CFI: variants seen among roughly 807,000 people sequenced by gnomAD.
The protein encoded by CFI is complement factor I.
A neutral mutation model predicts 78.8 loss-of-function variants in CFI; 66 were observed. The ratio of observed to expected loss-of-function variants is 0.84; its 90% CI spans 0.69 to 1.03. The LOEUF (loss-of-function observed/expected upper bound fraction) is 1.03, where lower values mean the gene tolerates loss of function less well. Among genes scored for constraint, CFI ranks in the 50% least tolerant of loss-of-function variants. The probability of loss-of-function intolerance (pLI) is 0.00; values close to 1 mark genes in which losing one functional copy is unlikely to be tolerated. For missense variants in CFI, 706 were observed against 704.5 expected, an observed-to-expected ratio of 1.00 and a Z score of -0.02; for synonymous variants, 250 against 232.6, an observed-to-expected ratio of 1.07 and a Z score of -0.68.
intron 1 of CFI, among the ~76,000 whole-genome samples, chr4:109,798,881 A>G (rs1314331610): frequency 7.3e-6 from 1 of 137,026 alleles, no homozygotes; most frequent in Non-Finnish European, 1.5e-5. Context: ...TCAATGCAAG[A>G]GGAGGGAGAG....
At chr4:109,790,976 G>T (rs1209054553) in intron 1 of CFI, among the ~76,000 whole-genome samples, 2 of 152,192 alleles carry the variant, frequency 1.3e-5, no homozygotes, top group African/African-American at 4.8e-5. Context: ...TAATGGGATT[G>T]CTGGGTTGAA....
rs370686097 is a variant in CFI, at chr4:109,782,064, G to A, written c.58-15240C>T. Among the ~76,000 whole-genome samples the A allele has an allele frequency of 5.9e-5, 9 of 152,178 alleles. No individual in the cohort carries two copies. The East Asian group carries it at 1.3e-3, about 23-fold the overall frequency. The stretch of plus-strand genomic sequence containing the variant: ...CCACAGCCAACATAGTACTGAATGG[G>A]GAAAAGTTGAAAGCATTCCCTCTGA... On this transcript the variant is annotated intron_variant, in intron 1 of 12. Coordinates refer to ENST00000394634, the MANE Select transcript of CFI (RefSeq NM_000204.5).
At chr4:109,748,978 C>T (rs1724804473) in intron 10 of CFI, among the ~76,000 whole-genome samples, 1 of 152,106 alleles carries the variant, frequency 6.6e-6, no homozygotes, top group South Asian at 2.1e-4. Flanking sequence ...AGTAATTTGG[C>T]AGCTATGGGT....
At position 109,760,371 on chromosome 4, in the gene CFI, C is replaced by T. The variant is rs112534524; in HGVS notation, c.782G>A (p.Gly261Asp). 3,587 of 1,613,380 alleles carry T rather than the reference C, an allele frequency of 2.2e-3. 4 individuals carry two copies. The highest frequency in any genetic ancestry group is 5.6e-3 in the Middle Eastern group (34 of 6,062). The change falls in exon 6 of 13, where the codon GGC becomes GAC. Residue 261 changes from glycine (G) to aspartate (D), a missense_variant. Transcript: ENST00000394634. ...ACCCGATTTGCAATGGAAGCCTTTGCCTTGGCATGCTGTGCAAACATAAGC... is the reference window on the plus strand; with the variant it reads ...ACCCGATTTGCAATGGAAGCCTTTGTCTTGGCATGCTGTGCAAACATAAGC... ...SDELCCKACQ[G>D]KGFHCKSGVC...
downstream of CFI, among the ~76,000 whole-genome samples, chr4:109,737,433 A>G (rs1220188787): frequency 6.6e-6 from 1 of 152,136 alleles, no homozygotes; most frequent in African/African-American, 2.4e-5. Flanking sequence ...TGGTTTCTAG[A>G]TCTCCCTTTA....
intron 1 of CFI, among the ~76,000 whole-genome samples, chr4:109,773,606 C>A (rs888146921): frequency 1.3e-5 from 2 of 152,138 alleles, no homozygotes; most frequent in Non-Finnish European, 2.9e-5. Flanking sequence ...ATGGATGATA[C>A]ACTCTTTATA....
chr4:109,749,322 C>T lies in CFI; in HGVS notation c.1045-1G>A. The T allele has an allele frequency of 6.2e-7, 1 of 1,612,910 alleles. No homozygotes were observed. Among genetic ancestry groups the T allele is most frequent in the Non-Finnish European group, 8.5e-7 (1 of 1,178,896 alleles). On this transcript the variant is annotated splice_acceptor_variant, in intron 9 of 12. Transcript: ENST00000394634. LOFTEE classifies it high-confidence loss of function. ...TTGCCACCTGCCATGGGAGGTCTCC[C>T]TGTAAAAGACATTTGTGTGGTCACT...
chr4:109,784,673 A>G (rs1423833657), intron 1 of CFI, among the ~76,000 whole-genome samples: 6 of 152,142 alleles, frequency 3.9e-5, no homozygotes, highest in African/African-American at 1.4e-4. Context: ...AAAGCTAATC[A>G]GATATGACAA....
chr4:109,746,001 T>C (rs1724362381), intron 11 of CFI, among the ~76,000 whole-genome samples: 1 of 152,172 alleles, frequency 6.6e-6, no homozygotes, highest in Non-Finnish European at 1.5e-5. Context: ...TTCATGCTGG[T>C]GACAACACAG....
At position 109,749,316 on chromosome 4, in the gene CFI, G is replaced by A. The variant is rs200506053; in HGVS notation, c.1050C>T (p.Asp350=). ...IVGGKRAQLG[D]LPWQVAIKDA... is the part of the protein sequence containing the mutation. ...CCTTAATTGCCACCTGCCATGGGAG[G>A]TCTCCCTGTAAAAGACATTTGTGTG... The change falls in exon 10 of 13, where the codon GAC becomes GAT. Residue 350 remains aspartate, a synonymous_variant. Transcript: ENST00000394634. The A allele has an allele frequency of 1.9e-6, 3 of 1,613,712 alleles. No homozygotes were observed. The highest frequency in any genetic ancestry group is 3.3e-5 in the Admixed American group (2 of 60,006).
At position 109,760,252 on chromosome 4, in the gene CFI, C is replaced by T. The variant is rs935096350; in HGVS notation, c.883+18G>A. ...GGATTCAATAATGAAAAAAAGTCACCCCAAGTCTTTCAATTACCTGCACAG... is the reference window on the plus strand; with the variant it reads ...GGATTCAATAATGAAAAAAAGTCACTCCAAGTCTTTCAATTACCTGCACAG... On this transcript the variant is annotated intron_variant, in intron 6 of 12. Transcript: ENST00000394634. 1 of 1,577,032 alleles carries T rather than the reference C, an allele frequency of 6.3e-7. No individual in the cohort carries two copies. Among genetic ancestry groups the T allele is most frequent in the African/African-American group, 1.3e-5 (1 of 74,190 alleles).
intron 1 of CFI, among the ~76,000 whole-genome samples, chr4:109,800,926 G>T (rs1732705885): frequency 6.6e-6 from 1 of 152,084 alleles, no homozygotes; most frequent in South Asian, 2.1e-4. Flanking sequence ...TAAGCATTTA[G>T]TTATTTCCAT....
the CFI span, among the ~76,000 whole-genome samples, chr4:109,735,070 G>A: frequency 6.6e-6 from 1 of 152,160 alleles, no homozygotes; most frequent in East Asian, 1.9e-4. Flanking sequence ...TCCTACTTCA[G>A]CCTCCTGAGT....
intron 1 of CFI, among the ~76,000 whole-genome samples, chr4:109,767,714 G>A (rs1287849212): frequency 1.3e-5 from 2 of 151,000 alleles, no homozygotes; most frequent in Non-Finnish European, 3.0e-5. Flanking sequence ...CATTGTGGAA[G>A]TCAGTGTGGC....
intron 1 of CFI, among the ~76,000 whole-genome samples, chr4:109,801,152 C>G (rs1238629747): frequency 1.3e-5 from 2 of 152,174 alleles, no homozygotes; most frequent in African/African-American, 4.8e-5. Flanking sequence ...ACTCTAACTT[C>G]AATAAAATAT....
At position 109,742,841 on chromosome 4, in the gene CFI, T is replaced by C. The variant is rs6821803; in HGVS notation, c.1430-246A>G. On this transcript the variant is annotated intron_variant, in intron 11 of 12. Coordinates refer to ENST00000394634, the MANE Select transcript of CFI (RefSeq NM_000204.5). The stretch of plus-strand genomic sequence containing the variant: ...ATTCATTTAATAAAGAGCTGGTACC[T>C]TAAGTTGAATGAGATAAATCTTTCC... 0.99 allele frequency among the ~76,000 whole-genome samples: 150,026 copies of C among 152,306 alleles called. 73,921 individuals carry two copies. The highest frequency in any genetic ancestry group is 1 in the East Asian group (5,186 of 5,186).
chr4:109,758,859 G>C (rs939584001), intron 6 of CFI, among the ~76,000 whole-genome samples: 1 of 152,200 alleles, frequency 6.6e-6, no homozygotes, highest in Non-Finnish European at 1.5e-5. Context: ...TTGGGAGGCC[G>C]AGGCAGGCAG....
chr4:109,780,165 G>C (rs1729816104), intron 1 of CFI, among the ~76,000 whole-genome samples: 1 of 152,130 alleles, frequency 6.6e-6, no homozygotes, highest in Non-Finnish European at 1.5e-5. Flanking sequence ...TTAAATTAAA[G>C]AGCTTCTGCA....
At position 109,766,826 on chromosome 4, in the gene CFI, T is replaced by C; in HGVS notation, c.58-2A>G. The C allele has an allele frequency of 6.2e-7, 1 of 1,614,058 alleles. No individual in the cohort carries two copies. The highest frequency in any genetic ancestry group is 8.5e-7 in the Non-Finnish European group (1 of 1,180,000). ...ATCCTCTTGAGATGTATAAGTGACC[T>C]GTAAAATGCAAAATAAACATTAACT... is the stretch of plus-strand genomic sequence containing the variant. On this transcript the variant is annotated splice_acceptor_variant, in intron 1 of 12. Coordinates refer to ENST00000394634, the MANE Select transcript of CFI (RefSeq NM_000204.5). LOFTEE classifies it high-confidence loss of function.
Sources: gnomAD v4.1 joint callset for allele counts (sites outside exome capture counted in the v4.1 genomes callset) on GRCh38, gnomAD v4.1.1 for gene constraint, MANE v1.5 for transcripts, NCBI Gene and HGNC (gene_info 2026-07-23, HGNC 2026-07-21) for gene names.